CEP78: variants seen among roughly 807,000 people sequenced by gnomAD.
CEP78 encodes the protein centrosomal protein of 78 kDa.
A neutral mutation model predicts 81.2 loss-of-function variants in CEP78; 76 were observed. That is an observed-to-expected ratio of 0.94 (90% CI 0.78 to 1.13). The LOEUF (loss-of-function observed/expected upper bound fraction) is 1.13. Ranked by LOEUF, CEP78 falls within the 50% of genes most tolerant of loss-of-function variation. CEP78 has a pLI of 0.00. For missense variants in CEP78, 918 were observed against 846.8 expected (o/e 1.08, Z -1.04); for synonymous variants, 293 against 301.4 (o/e 0.97, Z 0.29).
rs1264815924 is a variant in CEP78 at position 78,271,365 on chromosome 9, C to T, written c.*514C>T. The T allele has an allele frequency of 6.6e-6, 1 of 152,050 alleles. No homozygotes were observed. Among genetic ancestry groups the T allele is most frequent in the Non-Finnish European group, 1.5e-5 (1 of 68,038 alleles). 9.4% of individuals were successfully genotyped at this position (152,050 alleles called of 1,614,324 possible). A position where few individuals can be genotyped will look rare whatever the true frequency, so the allele number is the denominator to read the frequency against. Reference sequence around the variant, plus strand: ...AAAGGAGGCATGAAATTAAAATTAACCTGTTCAAGAAGATAGTTACTAGGA... The same window carrying T: ...AAAGGAGGCATGAAATTAAAATTAATCTGTTCAAGAAGATAGTTACTAGGA... On this transcript the variant is annotated 3_prime_UTR_variant, in exon 17 of 17. Coordinates refer to ENST00000643273, the MANE Select transcript of CEP78 (RefSeq NM_001330691.3).
Position 78,236,294 on chromosome 9 carries a change from TG to T in CEP78, c.-54del. Reference sequence around the variant, plus strand: ...CGGCCGGGTTGCGACTCAGCGTTCTTGGGTGGGCGCGGGCGGCGTCTCCGCG... The same window carrying T: ...CGGCCGGGTTGCGACTCAGCGTTCTTGGTGGGCGCGGGCGGCGTCTCCGCG... On this transcript the variant is annotated 5_prime_UTR_variant, in exon 1 of 17. Coordinates refer to ENST00000643273, the MANE Select transcript of CEP78 (RefSeq NM_001330691.3). 1 of 1,485,086 alleles carries T rather than the reference TG, an allele frequency of 6.7e-7. No individual in the cohort carries two copies. Among genetic ancestry groups the T allele is most frequent in the South Asian group, 1.2e-5 (1 of 81,968 alleles). The allele number at this position is 1,485,086 out of a possible 1,614,324, so 92.0% of individuals were successfully genotyped here. A position where few individuals can be genotyped will look rare whatever the true frequency, so the allele number is the denominator to read the frequency against.
intron 4 of CEP78, 32 bp from the exon 5 acceptor site, chr9:78,243,430 T>C: frequency 2.5e-6 from 4 of 1,579,418 alleles, no homozygotes; most frequent in Non-Finnish European, 3.5e-6. Context: ...TTTATCCAAG[T>C]GTATTAATTT....
chr9:78,246,529 G>A, intron 5 of CEP78, 140 bp from the exon 6 acceptor site: 1 of 444,838 alleles, frequency 2.2e-6, no homozygotes, highest in Non-Finnish European at 4.0e-6. Context: ...GAACCTGGGA[G>A]GCAGAGCTTG....
In CEP78 at chr9:78,266,679, TC is replaced by T. The variant is rs1827555152; in HGVS notation, c.2084del (p.Ser695PhefsTer20). 6.2e-7 allele frequency: 1 copy of T among 1,612,120 alleles called. No individual in the cohort carries two copies. Among genetic ancestry groups the T allele is most frequent in the African/African-American group, 1.3e-5 (1 of 74,902 alleles). ...GGAGTTGTCCAGAAATAGCAGATCT[TC>T]TTCAGAGAAAAAGACCAAAACAGGT... ...EEELSRNSRS[S>X]SEKKTKTESH On this transcript the variant is annotated frameshift_variant, in exon 16 of 17. Coordinates refer to ENST00000643273, the MANE Select transcript of CEP78 (RefSeq NM_001330691.3). LOFTEE classifies it high-confidence loss of function.
intron 5 of CEP78, 21 bp from the exon 6 acceptor site, chr9:78,246,648 C>T (rs1425512283): frequency 1.4e-6 from 2 of 1,445,856 alleles, no homozygotes; most frequent in African/African-American, 1.4e-5. Context: ...TAGCAAGTGA[C>T]CCTTTGTCTT....
chr9:78,277,083 A>C lies in CEP78; in HGVS notation c.*6232A>C, dbSNP rs559647941. Reference sequence around the variant, plus strand: ...AAAAAATGGCATCACAAGTCAGTAGAGAAGGGTTTGAACTATTCAGTAAAT... The same window carrying C: ...AAAAAATGGCATCACAAGTCAGTAGCGAAGGGTTTGAACTATTCAGTAAAT... On this transcript the variant is annotated 3_prime_UTR_variant, in exon 17 of 17. Transcript: ENST00000643273. 1 of 152,266 alleles carries C rather than the reference A, an allele frequency of 6.6e-6. No homozygotes were observed. Among genetic ancestry groups the C allele is most frequent in the East Asian group, 1.9e-4 (1 of 5,196 alleles). 9.4% of individuals were successfully genotyped at this position (152,266 alleles called of 1,614,324 possible). A position where few individuals can be genotyped will look rare whatever the true frequency, so the allele number is the denominator to read the frequency against.
chr9:78,270,706 A>G (rs1401452446), intron 16 of CEP78, 135 bp from the exon 17 acceptor site: 1 of 527,594 alleles, frequency 1.9e-6, no homozygotes, highest in African/African-American at 2.0e-5. Context: ...AGAATCTCTA[A>G]TCTCAAGACA....
In CEP78 at chr9:78,279,360, T is replaced by A. The variant is rs759664305; in HGVS notation, c.*8509T>A. The A allele has an allele frequency of 2.0e-5, 3 of 152,212 alleles. No individual in the cohort carries two copies. Among genetic ancestry groups the A allele is most frequent in the African/African-American group, 7.2e-5 (3 of 41,456 alleles). 9.4% of individuals were successfully genotyped at this position (152,212 alleles called of 1,614,324 possible). ...TGCCAAATAACCAGCTCTAATTTCT[T>A]TATACCAAAGCCAAACTTCACCTAA... On this transcript the variant is annotated 3_prime_UTR_variant, in exon 17 of 17. Coordinates refer to ENST00000643273, the MANE Select transcript of CEP78 (RefSeq NM_001330691.3).
chr9:78,252,291 T>C (rs1236004558), intron 9 of CEP78, among the ~76,000 whole-genome samples: 1 of 152,152 alleles, frequency 6.6e-6, no homozygotes, highest in Non-Finnish European at 1.5e-5. Flanking sequence ...TTATCTCCAA[T>C]TGTGCAGGTG....
intron 4 of CEP78, 43 bp downstream of exon 4, chr9:78,241,842 T>G (rs747100866): frequency 2.9e-6 from 3 of 1,042,274 alleles, no homozygotes; most frequent in Non-Finnish European, 4.5e-6. Context: ...GTTATATGAT[T>G]GCCACACGTT....
intron 10 of CEP78, chr9:78,253,481 G>A: frequency 2.1e-6 from 1 of 471,636 alleles, no homozygotes; most frequent in Non-Finnish European, 3.8e-6. Context: ...GGTTTCATCT[G>A]TGTAGACAGG....
At chr9:78,237,973 A>C (rs906456038) in intron 1 of CEP78, among the ~76,000 whole-genome samples, 3 of 150,150 alleles carry the variant, frequency 2.0e-5, no homozygotes, top group Non-Finnish European at 1.5e-5. Flanking sequence ...AAAAAAAAAA[A>C]AATTAGCCGG....
Position 78,276,707 on chromosome 9 carries a change from A to AT in CEP78, c.*5858dup, listed in dbSNP as rs1479669454. 6.6e-6 allele frequency: 1 copy of AT among 152,220 alleles called. No individual in the cohort carries two copies. Among genetic ancestry groups the AT allele is most frequent in the Non-Finnish European group, 1.5e-5 (1 of 68,042 alleles). 9.4% of individuals were successfully genotyped at this position (152,220 alleles called of 1,614,324 possible). On this transcript the variant is annotated 3_prime_UTR_variant, in exon 17 of 17. Coordinates refer to ENST00000643273, the MANE Select transcript of CEP78 (RefSeq NM_001330691.3). The stretch of plus-strand genomic sequence containing the variant: ...GAAGTAAATATTATCTAGAAATAAG[A>AT]TTAACAAGAGAAATGTAAGGCCTAT...
At chr9:78,253,192 T>TGGA in intron 9 of CEP78, 40 bp from the exon 10 acceptor site, 4 of 878,404 alleles carry the variant, frequency 4.6e-6, no homozygotes, top group Non-Finnish European at 5.6e-6. Flanking sequence ...GGTGGTGTAT[T>TGGA]TACATCAAAA....
At chr9:78,238,345 C>G (rs1417122627) in intron 1 of CEP78, among the ~76,000 whole-genome samples, 1 of 152,088 alleles carries the variant, frequency 6.6e-6, no homozygotes, top group Non-Finnish European at 1.5e-5. Context: ...TAAGAGGGGC[C>G]TGTGGGGCAT....
At chr9:78,262,799 T>G (rs1827332981) in intron 11 of CEP78, 108 bp from the exon 12 acceptor site, 1 of 564,738 alleles carries the variant, frequency 1.8e-6, no homozygotes, top group Admixed American at 3.5e-5. Context: ...GATATCTGAG[T>G]TCACTTCTGG....
chr9:78,266,562 C>CA lies in CEP78; in HGVS notation c.1967dup (p.Arg657AlafsTer6). 6.2e-7 allele frequency: 1 copy of CA among 1,613,930 alleles called. No individual in the cohort carries two copies. The highest frequency in any genetic ancestry group is 1.1e-5 in the South Asian group (1 of 91,078). ...CAACCTAGGAGTCCCAGCTACTGAG[C>CA]AGCGGCAGGAGTCTTTTGAAGGATT... is the stretch of plus-strand genomic sequence containing the variant. On this transcript the variant is annotated frameshift_variant, in exon 16 of 17. Coordinates refer to ENST00000643273, the MANE Select transcript of CEP78 (RefSeq NM_001330691.3). LOFTEE classifies it high-confidence loss of function.
chr9:78,239,901 T>C (rs1826139083), intron 1 of CEP78, 122 bp from the exon 2 acceptor site: 1 of 749,886 alleles, frequency 1.3e-6, no homozygotes, highest in Non-Finnish European at 2.1e-6. Context: ...AGTTTACATG[T>C]GTCTGTGCTT....
Position 78,253,265 on chromosome 9 carries a change from TA to T in CEP78, c.1241del (p.Asn414IlefsTer10). On this transcript the variant is annotated frameshift_variant, in exon 10 of 17. Coordinates refer to ENST00000643273, the MANE Select transcript of CEP78 (RefSeq NM_001330691.3). LOFTEE classifies it high-confidence loss of function. The stretch of plus-strand genomic sequence containing the variant: ...CATTAATCAAAACACGTGATATATG[TA>T]ATCAGTTGCAGGTACGTAGTTACCA... ...FPLIKTRDIC[N>X]QLQQPGFPVT... The T allele has an allele frequency of 7.3e-7, 1 of 1,369,570 alleles. No homozygotes were observed. The highest frequency in any genetic ancestry group is 1.0e-6 in the Non-Finnish European group (1 of 969,862). 84.8% of individuals were successfully genotyped at this position (1,369,570 alleles called of 1,614,324 possible).
Sources: gnomAD v4.1 joint callset for allele counts (sites outside exome capture counted in the v4.1 genomes callset) on GRCh38, gnomAD v4.1.1 for gene constraint, MANE v1.5 for transcripts, NCBI Gene and HGNC (gene_info 2026-07-23, HGNC 2026-07-21) for gene names.